Variants in PLA2G10 observed in about 807,000 individuals in gnomAD.
PLA2G10 encodes the protein group 10 secretory phospholipase A2.
In PLA2G10, 9 loss-of-function variants were observed where a neutral mutation model predicts 7.9. That is an observed-to-expected ratio of 1.14 (90% confidence interval 0.68 to 1.98). The LOEUF (loss-of-function observed/expected upper bound fraction) is 1.98, where lower values mean the gene tolerates loss of function less well. PLA2G10 is among the 30% of genes most tolerant of loss of function. The pLI is 0.00. For missense variants in PLA2G10, 53 were observed against 65.4 expected, an observed-to-expected ratio of 0.81 and a Z score of 0.66; for synonymous variants, 19 against 27.5, an observed-to-expected ratio of 0.69 and a Z score of 0.97.
chr16:14,685,042 C>T (rs1259678986), intron 3 of PLA2G10, among the ~76,000 whole-genome samples: 3 of 152,070 alleles, frequency 2.0e-5, no homozygotes, highest in East Asian at 3.8e-4. Context: ...ATTATTCAGC[C>T]ATAAAATGAA....
intron 3 of PLA2G10, among the ~76,000 whole-genome samples, chr16:14,685,059 A>G (rs931190680): frequency 3.9e-5 from 6 of 152,206 alleles, no homozygotes; most frequent in African/African-American, 1.4e-4. Context: ...TGAATGACGT[A>G]CTGACACATG....
chr16:14,681,342 T>C (rs951706296), intron 3 of PLA2G10, among the ~76,000 whole-genome samples: 1 of 152,068 alleles, frequency 6.6e-6, no homozygotes, highest in African/African-American at 2.4e-5. Flanking sequence ...AGGAATTCGG[T>C]AACTCATCCA....
At chr16:14,675,199 A>G (rs992720061) in intron 3 of PLA2G10, among the ~76,000 whole-genome samples, 2 of 151,866 alleles carry the variant, frequency 1.3e-5, no homozygotes, top group Non-Finnish European at 2.9e-5. Flanking sequence ...ACTCAAAAAC[A>G]TAAATTGGGG....
chr16:14,675,350 G>C (rs1960697674), intron 3 of PLA2G10, among the ~76,000 whole-genome samples: 1 of 151,898 alleles, frequency 6.6e-6, no homozygotes, highest in Admixed American at 6.6e-5. Context: ...TTAAATCTAA[G>C]ACCTGAAACC....
intron 3 of PLA2G10, among the ~76,000 whole-genome samples, chr16:14,673,211 CAG>C (rs1448751687): frequency 6.6e-6 from 1 of 151,278 alleles, no homozygotes; most frequent in Non-Finnish European, 1.5e-5. Context: ...TTAGTGGAGA[CAG>C]GGTTTCGTCG....
intron 3 of PLA2G10, among the ~76,000 whole-genome samples, chr16:14,687,117 AC>A (rs1257576423): frequency 1.3e-5 from 2 of 151,802 alleles, no homozygotes; most frequent in African/African-American, 4.8e-5. Flanking sequence ...TCAAAAAAAA[AC>A]AAAAAAAAAT....
At chr16:14,683,455 C>T (rs547160943) in intron 3 of PLA2G10, among the ~76,000 whole-genome samples, 3 of 151,972 alleles carry the variant, frequency 2.0e-5, no homozygotes, top group South Asian at 2.1e-4. Flanking sequence ...TGGCTGGTCT[C>T]GAACTCCTGA....
chr16:14,677,749 A>C (rs1019372642), intron 3 of PLA2G10, among the ~76,000 whole-genome samples: 2 of 151,376 alleles, frequency 1.3e-5, no homozygotes, highest in East Asian at 3.9e-4. Flanking sequence ...ATGATGGATG[A>C]TGGACAATGG....
At chr16:14,681,936 C>A (rs990783633) in intron 3 of PLA2G10, among the ~76,000 whole-genome samples, 3 of 151,874 alleles carry the variant, frequency 2.0e-5, no homozygotes, top group African/African-American at 7.3e-5. Flanking sequence ...TCCTCATCAC[C>A]CACACCAGAA....
At chr16:14,681,354 G>A (rs1960887566) in intron 3 of PLA2G10, among the ~76,000 whole-genome samples, 1 of 152,038 alleles carries the variant, frequency 6.6e-6, no homozygotes, top group African/African-American at 2.4e-5. Context: ...ACTCATCCAA[G>A]GTCACAGAAC....
chr16:14,676,697 A>G (rs1476914782), intron 3 of PLA2G10, among the ~76,000 whole-genome samples: 1 of 152,044 alleles, frequency 6.6e-6, no homozygotes, highest in East Asian at 1.9e-4. Flanking sequence ...AGGAAAAGAA[A>G]ATGTGGTTAC....
intron 3 of PLA2G10, among the ~76,000 whole-genome samples, chr16:14,672,996 C>T (rs1295113559): frequency 6.6e-6 from 1 of 151,144 alleles, no homozygotes; most frequent in African/African-American, 2.4e-5. Context: ...ATCAATATTA[C>T]ACGATTTCTT....
chr16:14,684,410 T>G (rs1960990168), intron 3 of PLA2G10, among the ~76,000 whole-genome samples: 1 of 150,710 alleles, frequency 6.6e-6, no homozygotes, highest in African/African-American at 2.4e-5. Flanking sequence ...CTCATGCCTG[T>G]AATCCCAGCA....
At chr16:14,684,337 C>CAAAAAA (rs71373100) in intron 3 of PLA2G10, among the ~76,000 whole-genome samples, 1 of 39,722 alleles carries the variant, frequency 2.5e-5, no homozygotes, top group Admixed American at 3.0e-4. Flanking sequence ...GACTCCATCT[C>CAAAAAA]AAAAAAAAAA....
intron 3 of PLA2G10, among the ~76,000 whole-genome samples, chr16:14,677,511 C>T (rs747974531): frequency 3.3e-5 from 5 of 152,138 alleles, no homozygotes; most frequent in Admixed American, 2.0e-4. Flanking sequence ...GGACTACAGG[C>T]GCACACCACC....
At chr16:14,679,326 G>A (rs1476214044) in intron 3 of PLA2G10, among the ~76,000 whole-genome samples, 2 of 151,928 alleles carry the variant, frequency 1.3e-5, no homozygotes, top group Non-Finnish European at 2.9e-5. Flanking sequence ...TTGAGGTCAG[G>A]AGTTCAAGAC....
Position 14,674,499 on chromosome 16 carries a change from G to A in PLA2G10, c.356-1750C>T, listed in dbSNP as rs575989555. 9.9e-5 allele frequency among the ~76,000 whole-genome samples: 15 copies of A among 152,074 alleles called. No individual in the cohort carries two copies. The East Asian group carries it at 2.1e-3, about 22-fold the overall frequency. ...TGGGTGGAACACCTGAGGTCAGTTC[G>A]AGACCAGCCTGGCCAACATGGTAAA... On this transcript the variant is annotated intron_variant, in intron 3 of 3. Coordinates refer to ENST00000438167, the MANE Select transcript of PLA2G10 (RefSeq NM_003561.3).
chr16:14,687,865 G>A (rs1362267783), intron 3 of PLA2G10, among the ~76,000 whole-genome samples: 1 of 151,710 alleles, frequency 6.6e-6, no homozygotes, highest in African/African-American at 2.4e-5. Flanking sequence ...TGGGCGTGAT[G>A]GTGCATGCCT....
At chr16:14,676,227 A>T (rs900402425) in intron 3 of PLA2G10, among the ~76,000 whole-genome samples, 2 of 152,212 alleles carry the variant, frequency 1.3e-5, no homozygotes, top group Non-Finnish European at 2.9e-5. Context: ...ACGAAAAGTA[A>T]ATCTACTATT....
Sources: allele counts gnomAD v4.1 joint callset (sites outside exome capture counted in the v4.1 genomes callset), GRCh38; gene constraint gnomAD v4.1.1; transcripts MANE v1.5; gene names NCBI Gene and HGNC (gene_info 2026-07-23, HGNC 2026-07-21).